The following TMEM135 variants were observed in gnomAD, a reference collection of about 807,000 sequenced individuals.
The protein encoded by TMEM135 is peroxisomal membrane protein 52.
Under a neutral mutation model 60.3 loss-of-function variants are expected in TMEM135, and 30 were observed. The observed-to-expected ratio is 0.50, with a 90% CI of 0.37 to 0.68. TMEM135 has a LOEUF of 0.68. TMEM135 is among the 30% of genes least tolerant of loss of function. The probability of loss-of-function intolerance (pLI) is 0.00; values close to 1 mark genes in which losing one functional copy is unlikely to be tolerated. For synonymous variants in TMEM135, 190 were observed against 186.7 expected, an observed-to-expected ratio of 1.02 and a Z score of -0.14; for missense variants, 468 against 548.8, an observed-to-expected ratio of 0.85 and a Z score of 1.47.
chr11:87,172,549 A>T (rs915445432), intron 5 of TMEM135, among the ~76,000 whole-genome samples: 11 of 152,044 alleles, frequency 7.2e-5, no homozygotes, highest in African/African-American at 2.4e-4. Flanking sequence ...TAGAATATTT[A>T]ATTTTAGACT....
chr11:87,128,526 G>GT (rs1937803725), intron 4 of TMEM135, among the ~76,000 whole-genome samples: 2 of 152,126 alleles, frequency 1.3e-5, no homozygotes, highest in African/African-American at 2.4e-5. Context: ...CATTAAGCAG[G>GT]TAGTCAGTAA....
chr11:87,187,175 A>G (rs936413636), intron 5 of TMEM135, among the ~76,000 whole-genome samples: 1 of 152,202 alleles, frequency 6.6e-6, no homozygotes, highest in Admixed American at 6.5e-5. Flanking sequence ...GAATTCATTA[A>G]TAAAACTCTT....
chr11:87,263,367 G>C (rs1201051242), intron 6 of TMEM135, among the ~76,000 whole-genome samples: 1 of 152,060 alleles, frequency 6.6e-6, no homozygotes, highest in East Asian at 1.9e-4. Context: ...CATCATCACT[G>C]TCCTCTTCTC....
intron 1 of TMEM135, among the ~76,000 whole-genome samples, chr11:87,045,206 AT>A (rs1949785112): frequency 6.7e-6 from 1 of 149,658 alleles, no homozygotes; most frequent in African/African-American, 2.5e-5. Context: ...ATTTTTTTGT[AT>A]TTTTAGTAGA....
chr11:87,158,274 A>G (rs1938758388), intron 5 of TMEM135, among the ~76,000 whole-genome samples: 1 of 152,148 alleles, frequency 6.6e-6, no homozygotes, highest in African/African-American at 2.4e-5. Context: ...TTAATGTAAT[A>G]TTTATAATTC....
intron 5 of TMEM135, among the ~76,000 whole-genome samples, chr11:87,232,642 A>G (rs1425185606): frequency 6.6e-6 from 1 of 152,162 alleles, no homozygotes; most frequent in African/African-American, 2.4e-5. Context: ...TTAAAATATG[A>G]TGAATTTAGA....
intron 4 of TMEM135, among the ~76,000 whole-genome samples, chr11:87,114,318 C>T (rs2445556): frequency 0.55 from 83,411 of 151,832 alleles, 23,727 homozygotes; most frequent in East Asian, 0.71. Context: ...TAAATAGGAA[C>T]TCAGAGGTTT....
chr11:87,074,329 C>CA (rs1450155047), intron 3 of TMEM135, among the ~76,000 whole-genome samples: 1 of 152,090 alleles, frequency 6.6e-6, no homozygotes, highest in Non-Finnish European at 1.5e-5. Context: ...CAGTGCCTGA[C>CA]ACATAGTAAG....
intron 4 of TMEM135, among the ~76,000 whole-genome samples, chr11:87,151,446 A>G (rs1938553709): frequency 6.6e-6 from 1 of 152,000 alleles, no homozygotes; most frequent in African/African-American, 2.4e-5. Context: ...TTGATCTTCC[A>G]TTTAATTTAT....
chr11:87,171,097 A>AG (rs1244597110), intron 5 of TMEM135, among the ~76,000 whole-genome samples: 4 of 152,128 alleles, frequency 2.6e-5, no homozygotes, highest in Non-Finnish European at 4.4e-5. Context: ...CAATATGAAA[A>AG]GGGGCATAGT....
At chr11:87,283,522 G>A (rs1942107112) in intron 6 of TMEM135, among the ~76,000 whole-genome samples, 2 of 152,142 alleles carry the variant, frequency 1.3e-5, no homozygotes, top group Non-Finnish European at 2.9e-5. Context: ...AAAACAGATT[G>A]CTATATTATT....
intron 6 of TMEM135, among the ~76,000 whole-genome samples, chr11:87,269,698 T>C (rs993886979): frequency 4.0e-5 from 6 of 151,476 alleles, no homozygotes; most frequent in Non-Finnish European, 8.9e-5. Context: ...GGCTGCATAG[T>C]ATTCCATGGT....
intron 4 of TMEM135, among the ~76,000 whole-genome samples, chr11:87,105,003 T>C (rs2135189545): frequency 6.6e-6 from 1 of 152,296 alleles, no homozygotes; most frequent in African/African-American, 2.4e-5. Context: ...TTCCTCATCT[T>C]AGAGACTGCT....
chr11:87,095,053 T>C, intron 4 of TMEM135: 1 of 191,580 alleles, frequency 5.2e-6, no homozygotes, highest in Non-Finnish European at 1.1e-5. Flanking sequence ...CAGTTAGCCT[T>C]CTTCCACAGC....
intron 5 of TMEM135, among the ~76,000 whole-genome samples, chr11:87,230,733 T>G (rs982931342): frequency 1.3e-5 from 2 of 152,112 alleles, no homozygotes; most frequent in African/African-American, 4.8e-5. Context: ...GTAGAACTTT[T>G]TGCAGTGATG....
intron 5 of TMEM135, among the ~76,000 whole-genome samples, chr11:87,176,850 A>G (rs1939382293): frequency 6.6e-6 from 1 of 152,154 alleles, no homozygotes; most frequent in Non-Finnish European, 1.5e-5. Flanking sequence ...GGTGGTTTCA[A>G]GAAGAGAATT....
At chr11:87,155,251 G>A (rs896187792) in intron 4 of TMEM135, among the ~76,000 whole-genome samples, 1 of 152,136 alleles carries the variant, frequency 6.6e-6, no homozygotes, top group Non-Finnish European at 1.5e-5. Flanking sequence ...CACCCGCCTC[G>A]GCCTCTCAAA....
intron 3 of TMEM135, among the ~76,000 whole-genome samples, chr11:87,076,320 C>T (rs1856871569): frequency 6.6e-6 from 1 of 152,222 alleles, no homozygotes; most frequent in African/African-American, 2.4e-5. Context: ...ACCACCACCA[C>T]CAGCCCATGG....
At chr11:87,113,979 A>C (rs1339831353) in intron 4 of TMEM135, among the ~76,000 whole-genome samples, 1 of 152,074 alleles carries the variant, frequency 6.6e-6, no homozygotes, top group African/African-American at 2.4e-5. Flanking sequence ...TGTTGTTGTC[A>C]CTATGATTAT....
Sources: allele counts gnomAD v4.1 joint callset (sites outside exome capture counted in the v4.1 genomes callset), GRCh38; gene constraint gnomAD v4.1.1; transcripts MANE v1.5; gene names NCBI Gene and HGNC (gene_info 2026-07-23, HGNC 2026-07-21).